Variants in ENC1 observed in about 807,000 individuals in gnomAD.
ENC1 encodes the protein ectoderm-neural cortex protein 1.
A neutral mutation model predicts 40.9 loss-of-function variants in ENC1; 19 were observed. The ratio of observed to expected loss-of-function variants is 0.46; its 90% CI spans 0.32 to 0.68. ENC1 has a LOEUF of 0.68. ENC1 is among the 30% of genes least tolerant of loss of function. ENC1 has a pLI of 0.03. For missense variants in ENC1, 479 were observed against 737.5 expected (o/e 0.65, Z 4.06); for synonymous variants, 285 against 291.1 (o/e 0.98, Z 0.21).
At chr5:74,631,684 A>G (rs1580345876) in intron 2 of ENC1, among the ~76,000 whole-genome samples, 2 of 152,016 alleles carry the variant, frequency 1.3e-5, no homozygotes. Context: ...AGAGGATGTT[A>G]TTTCACATAT....
chr5:74,637,724 G>A (rs1747652875), intron 1 of ENC1: 1 of 151,264 alleles, frequency 6.6e-6, no homozygotes, highest in Non-Finnish European at 1.5e-5. Context: ...AGTTCAAAAT[G>A]CAAACACTGC....
At position 74,628,640 on chromosome 5, in the gene ENC1, A is replaced by G. The variant is rs1413531377; in HGVS notation, c.*1385T>C. The G allele has an allele frequency of 1.3e-5, 2 of 152,210 alleles. No individual in the cohort carries two copies. Among genetic ancestry groups the G allele is most frequent in the African/African-American group, 4.8e-5 (2 of 41,444 alleles). 9.4% of individuals were successfully genotyped at this position (152,210 alleles called of 1,614,324 possible). Reference sequence around the variant, plus strand: ...GAGTTTTTTAAAAAGAGATTTGCCTACGGGTGAGCACTGAAGTATACATTG... The same window carrying G: ...GAGTTTTTTAAAAAGAGATTTGCCTGCGGGTGAGCACTGAAGTATACATTG... On this transcript the variant is annotated 3_prime_UTR_variant, in exon 3 of 3. Coordinates refer to ENST00000302351, the MANE Select transcript of ENC1 (RefSeq NM_003633.4).
At position 74,636,226 on chromosome 5, in the gene ENC1, A is replaced by C; in HGVS notation, c.260T>G (p.Val87Gly). 1 of 1,614,100 alleles carries C rather than the reference A, an allele frequency of 6.2e-7. No homozygotes were observed. Residue 87 changes from valine (V) to glycine (G), a missense_variant, in exon 2 of 3, where the codon GTC (valine) becomes GGC (glycine). Transcript: ENST00000302351. The surrounding 1 kb of genome is among the most constrained non-coding windows in gnomAD (Gnocchi z 4.8). Reference sequence around the variant, plus strand: ...TGGGTGGATGGAATTGTCAAAGTTGACCTCACTGTCCTGGCTCTCTTTCAG... The same window carrying C: ...TGGGTGGATGGAATTGTCAAAGTTGCCCTCACTGTCCTGGCTCTCTTTCAG... ...GGLKESQDSEVNFDNSIHPEV... is the reference protein window; with the variant it reads ...GGLKESQDSEGNFDNSIHPEV...
At chr5:74,638,081 G>A (rs1429289082) in intron 1 of ENC1, among the ~76,000 whole-genome samples, 1 of 152,090 alleles carries the variant, frequency 6.6e-6, no homozygotes, top group Non-Finnish European at 1.5e-5. Flanking sequence ...TGTTTATCCC[G>A]CTGTTTATCC....
Position 74,636,462 on chromosome 5 carries a change from G to T in ENC1, c.24C>A (p.Asn8Lys). 6.2e-7 allele frequency: 1 copy of T among 1,611,096 alleles called. No individual in the cohort carries two copies. Among genetic ancestry groups the T allele is most frequent in the South Asian group, 1.1e-5 (1 of 91,006 alleles). Reference protein sequence around the residue: MSVSVHENRKSRASSGSI... With the variant: MSVSVHEKRKSRASSGSI... ...AGCCGCTGCTGGCCCTGGACTTGCG[G>T]TTCTCATGCACACTGACTGACATTT... is the stretch of plus-strand genomic sequence containing the variant. The change falls in exon 2 of 3, where the codon AAC (asparagine) becomes AAA (lysine). Residue 8 changes from asparagine to lysine, a missense_variant. Coordinates refer to ENST00000302351, the MANE Select transcript of ENC1 (RefSeq NM_003633.4). The surrounding 1 kb of genome is among the most constrained non-coding windows in gnomAD (Gnocchi z 4.8).
At chr5:74,633,938 G>A (rs748616865) in intron 2 of ENC1, among the ~76,000 whole-genome samples, 13 of 152,324 alleles carry the variant, frequency 8.5e-5, no homozygotes, top group East Asian at 1.9e-4. Context: ...TGGGAAACAC[G>A]TGGCACCGCT....
rs200047157 is a variant in ENC1, at chr5:74,635,784, C to T, written c.702G>A (p.Gln234=). 5.0e-6 allele frequency: 8 copies of T among 1,613,882 alleles called. No individual in the cohort carries two copies. The change falls in exon 2 of 3, where the codon CAG becomes CAA. Residue 234 remains glutamine (Q), a synonymous_variant. Transcript: ENST00000302351. The surrounding 1 kb of genome is among the most constrained non-coding windows in gnomAD (Gnocchi z 5.5). ...KRYCYLPELL[Q]TVRLALLPAI... is the part of the protein sequence containing the mutation. ...CTGGCAGAAGTGCCAGCCTTACTGT[C>T]TGCAACAGTTCTGGGAGGTAGCAAT...
chr5:74,630,681 C>T (rs578021755), intron 2 of ENC1, among the ~76,000 whole-genome samples: 2 of 152,320 alleles, frequency 1.3e-5, no homozygotes, highest in East Asian at 1.9e-4. Flanking sequence ...AATCTACGTA[C>T]ATCAAGTGTG....
rs1026553343 is a variant in ENC1 at position 74,628,225 on chromosome 5, T to C, written c.*1800A>G. ...GGCCCAACTACAGCCCACTCATTCA[T>C]GGCATGGACGGACAAACACAATTAG... On this transcript the variant is annotated 3_prime_UTR_variant, in exon 3 of 3. Coordinates refer to ENST00000302351, the MANE Select transcript of ENC1 (RefSeq NM_003633.4). The C allele has an allele frequency of 6.5e-6, 1 of 152,672 alleles. No homozygotes were observed. Among genetic ancestry groups the C allele is most frequent in the African/African-American group, 2.4e-5 (1 of 41,472 alleles). The allele number at this position is 152,672 out of a possible 1,614,324, so 9.5% of individuals were successfully genotyped here. A position where few individuals can be genotyped will look rare whatever the true frequency, so the allele number is the denominator to read the frequency against.
Position 74,634,837 on chromosome 5 carries a change from T to C in ENC1, c.1649A>G (p.Gln550Arg). ...GTAGCAGTCCAAAGTCTTGCATCGC[T>C]GAATGCCAAAGTATCCTCCAACCAC... The part of the protein sequence containing the change: ...LYVVGGYFGI[Q>R]RCKTLDCYDP... Residue 550 changes from glutamine to arginine, a missense_variant, in exon 2 of 3, where the codon CAG becomes CGG. Physicochemically the swap from Gln to Arg is conservative, Grantham distance 43 (BLOSUM62 1). Coordinates refer to ENST00000302351, the MANE Select transcript of ENC1 (RefSeq NM_003633.4). 6.2e-7 allele frequency: 1 copy of C among 1,614,188 alleles called. No individual in the cohort carries two copies. Among genetic ancestry groups the C allele is most frequent in the South Asian group, 1.1e-5 (1 of 91,090 alleles).
At position 74,636,986 on chromosome 5, in the gene ENC1, C is replaced by T. The variant is rs1215108521; in HGVS notation, c.-13-488G>A. Among the ~76,000 whole-genome samples, 1 of 152,182 alleles carries T rather than the reference C, an allele frequency of 6.6e-6. No homozygotes were observed. The highest frequency in any genetic ancestry group is 1.5e-5 in the Non-Finnish European group (1 of 68,030). ...CATAAAGCCATGCGTAAAACAAACA[C>T]CTAATAATTAATTCCATTAAGAATT... On this transcript the variant is annotated intron_variant, in intron 1 of 2. Coordinates refer to ENST00000302351, the MANE Select transcript of ENC1 (RefSeq NM_003633.4). The surrounding 1 kb of genome is among the most constrained non-coding windows in gnomAD (Gnocchi z 4.8).
Position 74,629,583 on chromosome 5 carries a change from C to T in ENC1, c.*442G>A, listed in dbSNP as rs779050913. The stretch of plus-strand genomic sequence containing the variant: ...CAGTTGGGCTTTGAATCTCCAGCAG[C>T]AGCTGGTGTGGAGGCTTCAAGCTCT... On this transcript the variant is annotated 3_prime_UTR_variant, in exon 3 of 3. Coordinates refer to ENST00000302351, the MANE Select transcript of ENC1 (RefSeq NM_003633.4). The T allele has an allele frequency of 5.9e-5, 9 of 152,272 alleles. No individual in the cohort carries two copies. Among genetic ancestry groups the T allele is most frequent in the African/African-American group, 1.4e-4 (6 of 41,462 alleles). The allele number at this position is 152,272 out of a possible 1,614,324, so 9.4% of individuals were successfully genotyped here.
chr5:74,638,967 A>C (rs984321267), intron 1 of ENC1, among the ~76,000 whole-genome samples: 10 of 152,182 alleles, frequency 6.6e-5, no homozygotes, highest in Admixed American at 4.6e-4. Context: ...ACTTACACCT[A>C]AGAAAACAAT....
At chr5:74,634,256 A>T (rs1376365601) in intron 2 of ENC1, among the ~76,000 whole-genome samples, 1 of 152,000 alleles carries the variant, frequency 6.6e-6, no homozygotes, top group African/African-American at 2.4e-5. Context: ...TACTAAAAAT[A>T]CAAAAAATTA....
rs770180987 is a variant in ENC1, at chr5:74,636,270, C to T, written c.216G>A (p.Glu72=). ...AVLAACSRYF[E]AMFSGGLKES... ...CTTTCAGGCCACCACTGAACATGGC[C>T]TCAAAGTAGCGACTGCATGCAGCCA... The change falls in exon 2 of 3, where the codon GAG becomes GAA. Residue 72 remains glutamate (E), a synonymous_variant. Transcript: ENST00000302351. The surrounding 1 kb of genome is among the most constrained non-coding windows in gnomAD (Gnocchi z 4.8). The T allele has an allele frequency of 1.4e-5, 23 of 1,614,076 alleles. No homozygotes were observed. In the East Asian group the frequency reaches 4.0e-4, roughly 28 times the overall value.
chr5:74,636,304 C>T lies in ENC1; in HGVS notation c.182G>A (p.Arg61Gln), dbSNP rs1747591259. ...GCGACTGCATGCAGCCAGCACTGCC[C>T]GGTGGCAAGGGAAGGTCCTATTTCC... ...HAGNRTFPCHRAVLAACSRYF... is the reference protein window; with the variant it reads ...HAGNRTFPCHQAVLAACSRYF... Residue 61 changes from arginine (R) to glutamine (Q), a missense_variant, in exon 2 of 3, where the codon CGG (arginine) becomes CAG (glutamine). Physicochemically the swap from Arg to Gln is conservative, Grantham distance 43. Coordinates refer to ENST00000302351, the MANE Select transcript of ENC1 (RefSeq NM_003633.4). This position sits in a 1 kb window ranked among gnomAD's most constrained non-coding sequence, Gnocchi z 4.8. 1.9e-6 allele frequency: 3 copies of T among 1,614,112 alleles called. No homozygotes were observed. The highest frequency in any genetic ancestry group is 2.5e-6 in the Non-Finnish European group (3 of 1,180,040).
rs1445347105 is a variant in ENC1, at chr5:74,627,423, CTAA to C, written c.*2599_*2601del. 2.6e-5 allele frequency: 4 copies of C among 151,368 alleles called. No homozygotes were observed. The highest frequency in any genetic ancestry group is 5.9e-5 in the Non-Finnish European group (4 of 67,860). 9.4% of individuals were successfully genotyped at this position (151,368 alleles called of 1,614,324 possible). A position where few individuals can be genotyped will look rare whatever the true frequency, so the allele number is the denominator to read the frequency against. Reference sequence around the variant, plus strand: ...CACACACATAATGAAGAGAAAATCTCTAATAATTTATTGACCTTCAGTTTCACA... The same window carrying C: ...CACACACATAATGAAGAGAAAATCTCTAATTTATTGACCTTCAGTTTCACA... On this transcript the variant is annotated 3_prime_UTR_variant, in exon 3 of 3. Transcript: ENST00000302351.
chr5:74,640,000 T>C (rs1197058197), intron 1 of ENC1: 1 of 152,180 alleles, frequency 6.6e-6, no homozygotes, highest in Non-Finnish European at 1.5e-5. Context: ...AGCGCTGCTT[T>C]CCGCAGAGGA....
Position 74,636,211 on chromosome 5 carries a change from G to T in ENC1, c.275C>A (p.Ser92Tyr). The T allele has an allele frequency of 6.2e-7, 1 of 1,614,164 alleles. No individual in the cohort carries two copies. Among genetic ancestry groups the T allele is most frequent in the Non-Finnish European group, 8.5e-7 (1 of 1,180,024 alleles). ...CAGCTCCAAGACTTCTGGGTGGATG[G>T]AATTGTCAAAGTTGACCTCACTGTC... ...SQDSEVNFDNSIHPEVLELLL... is the reference protein window; with the variant it reads ...SQDSEVNFDNYIHPEVLELLL... Residue 92 changes from serine to tyrosine, a missense_variant, in exon 2 of 3, where the codon TCC becomes TAC. By Grantham distance (144) the Ser-to-Tyr change is moderately radical. Transcript: ENST00000302351. The surrounding 1 kb of genome is among the most constrained non-coding windows in gnomAD (Gnocchi z 4.8).
Sources: allele counts gnomAD v4.1 joint callset (sites outside exome capture counted in the v4.1 genomes callset), GRCh38; gene constraint gnomAD v4.1.1; non-coding constraint Gnocchi (gnomAD v3.1); transcripts MANE v1.5; gene names NCBI Gene and HGNC (gene_info 2026-07-23, HGNC 2026-07-21).